The following PLD5 variants were observed in gnomAD, a reference collection of about 807,000 sequenced individuals.
PLD5 encodes the protein phospholipase D family member 5.
In PLD5, 36 loss-of-function variants were observed where a neutral mutation model predicts 61.1. The ratio of observed to expected loss-of-function variants is 0.59; its 90% CI spans 0.45 to 0.78. PLD5 has a LOEUF of 0.78. Ranked by LOEUF, PLD5 falls within the 30% of genes least tolerant of loss-of-function variation. The pLI, the probability that PLD5 is intolerant of heterozygous loss-of-function variation, is 0.00. For missense variants in PLD5, 515 were observed against 644.4 expected (o/e 0.80, Z 2.17); for synonymous variants, 243 against 242.8 (o/e 1.00, Z -0.01).
chr1:242,311,004 G>T (rs1676665980), intron 2 of PLD5, among the ~76,000 whole-genome samples: 1 of 152,096 alleles, frequency 6.6e-6, no homozygotes, highest in Non-Finnish European at 1.5e-5. Context: ...CCAGTGGCCA[G>T]TTACTAGAGC....
chr1:242,478,731 T>C (rs1185852680), intron 1 of PLD5, among the ~76,000 whole-genome samples: 3 of 152,216 alleles, frequency 2.0e-5, no homozygotes, highest in African/African-American at 4.8e-5. Flanking sequence ...AGAGTTGTAA[T>C]TCATTGTTCT....
intron 1 of PLD5, among the ~76,000 whole-genome samples, chr1:242,480,746 A>T (rs1037199536): frequency 5.3e-5 from 8 of 152,224 alleles, no homozygotes; most frequent in African/African-American, 1.9e-4. Flanking sequence ...ATATAAAAAG[A>T]TGCTCAACTT....
chr1:242,199,639 T>C (rs1352447190), intron 5 of PLD5, among the ~76,000 whole-genome samples: 1 of 152,114 alleles, frequency 6.6e-6, no homozygotes, highest in African/African-American at 2.4e-5. Context: ...GAACATGCAA[T>C]GTACCCACCA....
chr1:242,134,542 A>G (rs968839849), intron 5 of PLD5, among the ~76,000 whole-genome samples: 1 of 152,194 alleles, frequency 6.6e-6, no homozygotes, highest in African/African-American at 2.4e-5. Context: ...AATTCATAAA[A>G]CACATTTAGT....
chr1:242,310,763 T>C (rs1676651502), intron 2 of PLD5, among the ~76,000 whole-genome samples: 1 of 152,148 alleles, frequency 6.6e-6, no homozygotes, highest in African/African-American at 2.4e-5. Flanking sequence ...CTCTAGTGGA[T>C]GGGGCTGGAG....
At chr1:242,530,140 T>G in the PLD5 span, among the ~76,000 whole-genome samples, 3 of 152,288 alleles carry the variant, frequency 2.0e-5, no homozygotes, top group Admixed American at 6.5e-5. Flanking sequence ...GCGATCCACC[T>G]GCCTTGGCCT....
intron 1 of PLD5, among the ~76,000 whole-genome samples, chr1:242,385,562 C>T (rs1487716183): frequency 6.6e-6 from 1 of 152,112 alleles, no homozygotes; most frequent in Non-Finnish European, 1.5e-5. Flanking sequence ...CTCCCTAGTC[C>T]CACTTCCCTC....
At position 242,216,052 on chromosome 1, in the gene PLD5, T is replaced by A. The variant is rs145934647; in HGVS notation, c.735+3936A>T. 3.1e-3 allele frequency among the ~76,000 whole-genome samples: 472 copies of A among 152,308 alleles called. 4 individuals carry two copies. The highest frequency in any genetic ancestry group is 0.011 in the African/African-American group (444 of 41,572). On this transcript the variant is annotated intron_variant, in intron 5 of 9. Transcript: ENST00000536534. ...GGGGTTAACATACCCCCAGCGGGGT[T>A]CCTTAGTAACAGCACACATCAAACT... is the stretch of plus-strand genomic sequence containing the variant.
chr1:242,234,255 G>T (rs1241819760), intron 4 of PLD5, among the ~76,000 whole-genome samples: 3 of 152,016 alleles, frequency 2.0e-5, no homozygotes, highest in South Asian at 2.1e-4. Context: ...CTCTCTGAAG[G>T]CTCTGAAGAA....
At chr1:242,263,305 T>C (rs987666050) in intron 4 of PLD5, among the ~76,000 whole-genome samples, 51 of 151,592 alleles carry the variant, frequency 3.4e-4, no homozygotes, top group Admixed American at 2.9e-3. Context: ...ATTTTTTTCG[T>C]GGGATATTTC....
rs1659336307 is a variant in PLD5, at chr1:242,083,382, G to A, written c.*6472C>T. On this transcript the variant is annotated 3_prime_UTR_variant, in exon 10 of 10. Transcript: ENST00000536534. ...TCTTTGGGTCGGGTACTGAACCTTG[G>A]TACAATCAGCTGTGGCCAGTGTAGA... The A allele has an allele frequency of 6.6e-6, 1 of 152,150 alleles. No homozygotes were observed. The highest frequency in any genetic ancestry group is 1.9e-4 in the East Asian group (1 of 5,184). 9.4% of individuals were successfully genotyped at this position (152,150 alleles called of 1,614,324 possible).
At chr1:242,108,690 C>T (rs753639522) in intron 7 of PLD5, among the ~76,000 whole-genome samples, 4 of 152,202 alleles carry the variant, frequency 2.6e-5, no homozygotes, top group African/African-American at 7.2e-5. Context: ...TCGGCCCTGA[C>T]ATTTGTAGAC....
At chr1:242,239,534 T>A (rs147773236) in intron 4 of PLD5, among the ~76,000 whole-genome samples, 1 of 152,246 alleles carries the variant, frequency 6.6e-6, no homozygotes, top group Non-Finnish European at 1.5e-5. Context: ...TATTTACTTA[T>A]ATGTACTCTG....
intron 1 of PLD5, among the ~76,000 whole-genome samples, chr1:242,486,241 T>C (rs1288099161): frequency 6.6e-6 from 1 of 152,088 alleles, no homozygotes; most frequent in African/African-American, 2.4e-5. Flanking sequence ...AAAGAGCTTC[T>C]GCACAGCAAA....
At chr1:242,225,303 A>G (rs1212779095) in intron 4 of PLD5, among the ~76,000 whole-genome samples, 1 of 151,882 alleles carries the variant, frequency 6.6e-6, no homozygotes, top group Admixed American at 6.6e-5. Flanking sequence ...AACGCATGTA[A>G]GACCCATGCA....
chr1:242,213,121 G>A (rs536983594), intron 5 of PLD5, among the ~76,000 whole-genome samples: 1 of 152,248 alleles, frequency 6.6e-6, no homozygotes, highest in South Asian at 2.1e-4. Context: ...CCCCCGTGGT[G>A]ATTCCTCACA....
intron 2 of PLD5, among the ~76,000 whole-genome samples, chr1:242,332,044 A>C: frequency 3.3e-5 from 5 of 150,348 alleles, no homozygotes; most frequent in African/African-American, 9.8e-5. Context: ...CTAGCCTCCC[A>C]CCCCCTGACA....
chr1:242,296,019 G>A (rs1420041556), intron 2 of PLD5, among the ~76,000 whole-genome samples: 1 of 152,174 alleles, frequency 6.6e-6, no homozygotes. Flanking sequence ...TGAGCTGTGT[G>A]ACCTTCAACA....
chr1:242,135,222 T>G (rs1663625884), intron 5 of PLD5, among the ~76,000 whole-genome samples: 1 of 152,124 alleles, frequency 6.6e-6, no homozygotes, highest in African/African-American at 2.4e-5. Flanking sequence ...CACATAAATA[T>G]ATATATATGT....
Sources: gnomAD v4.1 joint callset for allele counts (sites outside exome capture counted in the v4.1 genomes callset) on GRCh38, gnomAD v4.1.1 for gene constraint, MANE v1.5 for transcripts, NCBI Gene and HGNC (gene_info 2026-07-23, HGNC 2026-07-21) for gene names.